The following GSDMC variants were observed in gnomAD, a reference collection of about 807,000 sequenced individuals.
GSDMC encodes gasdermin C, also known as gasdermin-C.
GSDMC carries 59 observed loss-of-function variants against 58.0 expected under a neutral mutation model. The observed-to-expected ratio is 1.02, with a 90% CI of 0.82 to 1.26. The LOEUF (loss-of-function observed/expected upper bound fraction) is 1.26. Ranked by LOEUF, GSDMC falls within the 50% of genes most tolerant of loss-of-function variation. GSDMC has a pLI of 0.00. For missense variants in GSDMC, 659 were observed against 598.5 expected, an observed-to-expected ratio of 1.10 and a Z score of -1.06; for synonymous variants, 241 against 220.2, an observed-to-expected ratio of 1.09 and a Z score of -0.83.
chr8:129,725,347 C>T, the GSDMC span, among the ~76,000 whole-genome samples: 4 of 152,162 alleles, frequency 2.6e-5, no homozygotes, highest in Non-Finnish European at 5.9e-5. Context: ...ATCAAAGACA[C>T]ACTCATGCGT....
At chr8:129,744,533 A>T (rs1458559868), downstream of GSDMC, among the ~76,000 whole-genome samples, 1 of 152,232 alleles carries the variant, frequency 6.6e-6, no homozygotes, top group East Asian at 1.9e-4. Context: ...ACATAATGGT[A>T]ATTTCAACAA....
At chr8:129,753,777 G>A (rs1232566676) in intron 6 of GSDMC, among the ~76,000 whole-genome samples, 1 of 152,160 alleles carries the variant, frequency 6.6e-6, no homozygotes, top group Non-Finnish European at 1.5e-5. Flanking sequence ...CTTCCCTAAA[G>A]GGTGAGACCC....
chr8:129,736,866 C>A, the GSDMC span, among the ~76,000 whole-genome samples: 1 of 152,126 alleles, frequency 6.6e-6, no homozygotes, highest in Non-Finnish European at 1.5e-5. Flanking sequence ...GTTTGCAGAT[C>A]ACATGATTGT....
chr8:129,773,443 T>G (rs540998351), intron 3 of GSDMC, among the ~76,000 whole-genome samples: 2 of 152,316 alleles, frequency 1.3e-5, no homozygotes, highest in Non-Finnish European at 2.9e-5. Context: ...AAAATCAACA[T>G]TAAAAATCAG....
the GSDMC span, among the ~76,000 whole-genome samples, chr8:129,706,049 T>A: frequency 6.6e-6 from 1 of 152,238 alleles, no homozygotes; most frequent in South Asian, 2.1e-4. Flanking sequence ...ATTTTAAAAA[T>A]AAATTTAAAG....
At chr8:129,712,072 C>CA in the GSDMC span, among the ~76,000 whole-genome samples, 2 of 152,092 alleles carry the variant, frequency 1.3e-5, no homozygotes, top group Non-Finnish European at 2.9e-5. Context: ...GCCTGGGCAC[C>CA]ATAGCAAGAT....
intron 11 of GSDMC, 99 bp downstream of exon 11, chr8:129,750,332 T>C: frequency 7.9e-7 from 1 of 1,270,200 alleles, no homozygotes; most frequent in East Asian, 2.3e-5. Context: ...CCCTGGCATC[T>C]TGCTTATTCT....
chr8:129,781,483 G>A (rs184897424), intron 1 of GSDMC, among the ~76,000 whole-genome samples: 106 of 152,254 alleles, frequency 7.0e-4, no homozygotes, highest in Admixed American at 1.4e-3. Context: ...GATGGCTCAC[G>A]CCTGTAATCC....
chr8:129,744,542 A>C (rs2032924970), downstream of GSDMC, among the ~76,000 whole-genome samples: 1 of 152,240 alleles, frequency 6.6e-6, no homozygotes, highest in Non-Finnish European at 1.5e-5. Context: ...TAATTTCAAC[A>C]AGAAATTGAT....
the GSDMC span, chr8:129,706,952 C>T: frequency 2.0e-5 from 3 of 152,326 alleles, no homozygotes; most frequent in Admixed American, 2.0e-4. Flanking sequence ...AGGCACTGTG[C>T]TAGGTTCTGG....
Position 129,752,153 on chromosome 8 carries a change from AAG to A in GSDMC, c.845-8_845-7del, listed in dbSNP as rs749154750. The A allele has an allele frequency of 6.6e-5, 106 of 1,611,238 alleles. No individual in the cohort carries two copies. The highest frequency in any genetic ancestry group is 8.5e-7 in the Non-Finnish European group (1 of 1,177,626). On this transcript the variant is annotated splice_polypyrimidine_tract_variant and splice_region_variant and intron_variant, in intron 7 of 13. Coordinates refer to ENST00000276708, the MANE Select transcript of GSDMC (RefSeq NM_031415.3). ...TTGCTGTGTCAGAAATAGCTCTGGA[AAG>A]AGAAAGAAAAGTGTTTACTCACCAA...
chr8:129,721,722 C>T, the GSDMC span, among the ~76,000 whole-genome samples: 1 of 152,348 alleles, frequency 6.6e-6, no homozygotes, highest in East Asian at 1.9e-4. Flanking sequence ...GACTTGACAG[C>T]ACTCTCAGTC....
chr8:129,751,284 G>C (rs374741320), intron 10 of GSDMC, among the ~76,000 whole-genome samples: 1 of 152,158 alleles, frequency 6.6e-6, no homozygotes, highest in Non-Finnish European at 1.5e-5. Context: ...AGGGTGTACT[G>C]CTTGGGATGA....
At chr8:129,719,538 T>C in the GSDMC span, among the ~76,000 whole-genome samples, 9 of 152,202 alleles carry the variant, frequency 5.9e-5, no homozygotes, top group Non-Finnish European at 1.3e-4. Context: ...AATTAACATT[T>C]ATAGAATCCA....
At chr8:129,706,175 G>A in the GSDMC span, among the ~76,000 whole-genome samples, 1 of 152,080 alleles carries the variant, frequency 6.6e-6, no homozygotes, top group Admixed American at 6.5e-5. Flanking sequence ...TGATGTGGAT[G>A]CATTCCAGAT....
the GSDMC span, among the ~76,000 whole-genome samples, chr8:129,714,294 A>T: frequency 2.7e-4 from 41 of 152,232 alleles, no homozygotes; most frequent in African/African-American, 9.6e-4. Flanking sequence ...CGCTCCAGAG[A>T]TAGTTCAGTG....
the GSDMC span, among the ~76,000 whole-genome samples, chr8:129,736,471 AG>A: frequency 1.3e-5 from 2 of 152,238 alleles, no homozygotes; most frequent in African/African-American, 2.4e-5. Flanking sequence ...TTGGGATGCA[AG>A]GCTGGTTCAA....
the GSDMC span, among the ~76,000 whole-genome samples, chr8:129,739,151 C>T: frequency 1.3e-5 from 2 of 152,190 alleles, no homozygotes; most frequent in East Asian, 1.9e-4. Context: ...GCCATGTGCA[C>T]GTTCAAGGCA....
the GSDMC span, among the ~76,000 whole-genome samples, chr8:129,706,378 C>T: frequency 6.6e-6 from 1 of 152,338 alleles, no homozygotes; most frequent in East Asian, 1.9e-4. Context: ...AAAACATGAT[C>T]TCAGAAGAAA....
Sources: allele counts gnomAD v4.1 joint callset (sites outside exome capture counted in the v4.1 genomes callset), GRCh38; gene constraint gnomAD v4.1.1; transcripts MANE v1.5; gene names NCBI Gene and HGNC (gene_info 2026-07-23, HGNC 2026-07-21).